Variants in CHD6 observed in about 807,000 individuals in gnomAD.
CHD6 encodes the protein chromodomain helicase DNA binding protein 6.
CHD6 carries 50 observed loss-of-function variants against 276.9 expected under a neutral mutation model. That is an observed-to-expected ratio of 0.18 (90% confidence interval 0.14 to 0.23). CHD6 has a LOEUF of 0.23. CHD6 is among the 10% of genes least tolerant of loss of function. The probability of loss-of-function intolerance (pLI) is 1.00; values close to 1 mark genes in which losing one functional copy is unlikely to be tolerated. For synonymous variants in CHD6, 1,173 were observed against 1,229.3 expected (o/e 0.95, Z 0.96); for missense variants, 2,564 against 3,365.8 (o/e 0.76, Z 5.89).
chr20:41,560,441 G>A (rs933682059), intron 1 of CHD6, among the ~76,000 whole-genome samples: 7 of 152,236 alleles, frequency 4.6e-5, no homozygotes, highest in Admixed American at 2.0e-4. Flanking sequence ...CATGTTCTCC[G>A]GGATGTCTTC....
At chr20:41,474,087 C>G (rs1468463669) in intron 16 of CHD6, among the ~76,000 whole-genome samples, 4 of 152,174 alleles carry the variant, frequency 2.6e-5, no homozygotes, top group Non-Finnish European at 5.9e-5. Context: ...AAGTTTATAG[C>G]TGAAACCAAG....
chr20:41,605,989 A>G (rs1205245711), intron 1 of CHD6, among the ~76,000 whole-genome samples: 1 of 152,218 alleles, frequency 6.6e-6, no homozygotes, highest in Non-Finnish European at 1.5e-5. Context: ...GAGGACCACA[A>G]TTTTGTAGGA....
intron 2 of CHD6, among the ~76,000 whole-genome samples, chr20:41,536,219 C>A (rs1320038293): frequency 6.6e-6 from 1 of 152,058 alleles, no homozygotes; most frequent in Non-Finnish European, 1.5e-5. Flanking sequence ...CCACAAGGTG[C>A]CAAAAATATT....
intron 5 of CHD6, among the ~76,000 whole-genome samples, chr20:41,509,386 G>A (rs998905638): frequency 1.3e-5 from 2 of 152,156 alleles, no homozygotes; most frequent in African/African-American, 4.8e-5. Context: ...TCATGGTTTA[G>A]AAGAAGGAAA....
chr20:41,462,316 A>G (rs184530529), intron 17 of CHD6, among the ~76,000 whole-genome samples: 13 of 152,344 alleles, frequency 8.5e-5, no homozygotes, highest in Admixed American at 4.6e-4. Context: ...TTTGTCCCAC[A>G]ATATAACATT....
chr20:41,594,136 T>C (rs528253583), intron 1 of CHD6, among the ~76,000 whole-genome samples: 25 of 152,270 alleles, frequency 1.6e-4, no homozygotes, highest in African/African-American at 5.5e-4. Context: ...ATCCCTATAG[T>C]TTTTATCTAA....
chr20:41,564,059 G>C (rs748467590), intron 1 of CHD6: 2 of 779,388 alleles, frequency 2.6e-6, no homozygotes, highest in South Asian at 1.3e-5. Context: ...CAAGCGTTGT[G>C]GGATTTGGGC....
At chr20:41,423,405 A>G (rs2047258873) in intron 30 of CHD6, 87 bp downstream of exon 30, 2 of 1,276,148 alleles carry the variant, frequency 1.6e-6, no homozygotes, top group African/African-American at 1.5e-5. Context: ...TCTAGTTTTT[A>G]TAGGTATACC....
intron 1 of CHD6, among the ~76,000 whole-genome samples, chr20:41,583,556 T>G (rs73613215): frequency 0.022 from 3,279 of 152,260 alleles, 44 homozygotes; most frequent in South Asian, 0.041. Flanking sequence ...TATATGACAC[T>G]GAACAAAAAT....
chr20:41,603,607 T>A (rs2045795482), intron 1 of CHD6, among the ~76,000 whole-genome samples: 1 of 152,184 alleles, frequency 6.6e-6, no homozygotes, highest in South Asian at 2.1e-4. Context: ...GGCTCACGCC[T>A]GTAATCCCAG....
chr20:41,413,317 C>G lies in CHD6; in HGVS notation c.7131+7G>C. On this transcript the variant is annotated splice_region_variant and intron_variant, in intron 35 of 36. Transcript: ENST00000373233. Reference sequence around the variant, plus strand: ...AGTGATCTCAGGCAGTACCAACAAACACTTACTGCCCCAAAGCCAGGAACT... The same window carrying G: ...AGTGATCTCAGGCAGTACCAACAAAGACTTACTGCCCCAAAGCCAGGAACT... 1 of 1,583,312 alleles carries G rather than the reference C, an allele frequency of 6.3e-7. No homozygotes were observed. Among genetic ancestry groups the G allele is most frequent in the Non-Finnish European group, 8.6e-7 (1 of 1,163,220 alleles).
At position 41,403,589 on chromosome 20, in the gene CHD6, T is replaced by C. The variant is rs942005699; in HGVS notation, c.*1004A>G. ...ACACATTTGACAGCCTCAGACACTC[T>C]TGATCAAAGGACCTACTAGCAAGTG... On this transcript the variant is annotated 3_prime_UTR_variant, in exon 37 of 37. Coordinates refer to ENST00000373233, the MANE Select transcript of CHD6 (RefSeq NM_032221.5). 23 of 1,063,104 alleles carry C rather than the reference T, an allele frequency of 2.2e-5. No individual in the cohort carries two copies. In the African/African-American group the frequency reaches 3.4e-4, roughly 16 times the overall value. 65.9% of individuals were successfully genotyped at this position (1,063,104 alleles called of 1,614,324 possible).
intron 2 of CHD6, among the ~76,000 whole-genome samples, chr20:41,548,582 A>G (rs1048875075): frequency 3.3e-5 from 5 of 152,236 alleles, no homozygotes; most frequent in East Asian, 3.8e-4. Flanking sequence ...ACATAGGCAT[A>G]GGCAAGGACT....
intron 1 of CHD6, among the ~76,000 whole-genome samples, chr20:41,555,003 C>A (rs1177532946): frequency 7.1e-6 from 1 of 141,400 alleles, no homozygotes; most frequent in East Asian, 2.2e-4. Flanking sequence ...GCTGGCCGGG[C>A]GGGGGGCTGA....
At chr20:41,457,584 G>T (rs565984931) in intron 17 of CHD6, among the ~76,000 whole-genome samples, 156 bp from the exon 18 acceptor site, 110 of 152,286 alleles carry the variant, frequency 7.2e-4, no homozygotes, top group Non-Finnish European at 1.3e-3. Flanking sequence ...ATACCCAAAG[G>T]TTGGCTGCCA....
chr20:41,479,039 AAC>A (rs1344337171), intron 16 of CHD6, among the ~76,000 whole-genome samples: 1 of 152,218 alleles, frequency 6.6e-6, no homozygotes, highest in Non-Finnish European at 1.5e-5. Flanking sequence ...ATAAACATAG[AAC>A]CAAATGGAAA....
At chr20:41,585,037 T>TA (rs1327081362) in intron 1 of CHD6, among the ~76,000 whole-genome samples, 2 of 151,222 alleles carry the variant, frequency 1.3e-5, no homozygotes, top group Non-Finnish European at 3.0e-5. Context: ...AATGATCAAG[T>TA]AAAAAAAGGA....
At chr20:41,454,532 T>TC (rs2048329454) in intron 20 of CHD6, 94 bp downstream of exon 20, 1 of 938,550 alleles carries the variant, frequency 1.1e-6, no homozygotes, top group African/African-American at 1.6e-5. Context: ...GAACCAAGAC[T>TC]CAAGAGTAAA....
chr20:41,597,300 C>T lies in CHD6; in HGVS notation c.-24+21040G>A, dbSNP rs148610776. On this transcript the variant is annotated intron_variant, in intron 1 of 36. Transcript: ENST00000373233. ...GAACTGCTCCCCGGAAAGACATCAG[C>T]TTATCTCCTTATGAAATGTTTTATG... Among the ~76,000 whole-genome samples the T allele has an allele frequency of 5.2e-4, 79 of 152,258 alleles. No homozygotes were observed. The East Asian group carries it at 0.013, about 24-fold the overall frequency.
Sources: allele counts gnomAD v4.1 joint callset (sites outside exome capture counted in the v4.1 genomes callset), GRCh38; gene constraint gnomAD v4.1.1; transcripts MANE v1.5; gene names NCBI Gene and HGNC (gene_info 2026-07-23, HGNC 2026-07-21).